Variants in ASXL3 observed in about 807,000 individuals in gnomAD.
ASXL3 encodes putative Polycomb group protein ASXL3.
ASXL3 carries 34 observed loss-of-function variants against 170.6 expected under a neutral mutation model. That is an observed-to-expected ratio of 0.20 (90% CI 0.15 to 0.27). The LOEUF (loss-of-function observed/expected upper bound fraction) is 0.27, where lower values mean the gene tolerates loss of function less well. ASXL3 is among the 10% of genes least tolerant of loss of function. The pLI, the probability that ASXL3 is intolerant of heterozygous loss-of-function variation, is 1.00. For missense variants in ASXL3, 2,592 were observed against 2,695.3 expected (o/e 0.96, Z 0.85); for synonymous variants, 1,002 against 989.1 (o/e 1.01, Z -0.24).
At position 33,740,348 on chromosome 18, in the gene ASXL3, A is replaced by G; in HGVS notation, c.2944A>G (p.Ile982Val). The G allele has an allele frequency of 6.2e-7, 1 of 1,611,190 alleles. No homozygotes were observed. The highest frequency in any genetic ancestry group is 8.5e-7 in the Non-Finnish European group (1 of 1,178,492). Residue 982 changes from isoleucine to valine, a missense_variant, in exon 11 of 12, where the codon ATA (isoleucine) becomes GTA (valine). This residue lies in a region of ASXL3 where 2,246 missense variants were observed against 2,219.6 expected (regional missense o/e 1.01). Coordinates refer to ENST00000269197, the MANE Select transcript of ASXL3 (RefSeq NM_030632.3). The part of the protein sequence containing the change: ...FGICKEKRAR[I>V]EDDQSTRNIS... ...AATCTGTAAGGAAAAGAGAGCTAGG[A>G]TAGAAGATGATCAGTCAACCCGGAA...
chr18:33,671,434 G>T (rs1186274928), intron 6 of ASXL3, among the ~76,000 whole-genome samples: 1 of 152,076 alleles, frequency 6.6e-6, no homozygotes. Flanking sequence ...TGTTGTCTCA[G>T]AATGGCATAG....
intron 2 of ASXL3, among the ~76,000 whole-genome samples, chr18:33,611,163 C>T (rs901190320): frequency 2.0e-5 from 3 of 151,908 alleles, no homozygotes; most frequent in African/African-American, 7.3e-5. Context: ...TTTTTTACAT[C>T]ATGTTCTGTG....
intron 4 of ASXL3, among the ~76,000 whole-genome samples, chr18:33,656,960 T>A (rs547119837): frequency 6.6e-6 from 1 of 152,282 alleles, no homozygotes; most frequent in African/African-American, 2.4e-5. Context: ...CTTTAAAATT[T>A]GATTTTTAAA....
intron 7 of ASXL3, among the ~76,000 whole-genome samples, chr18:33,672,418 T>C (rs928328498): frequency 2.0e-5 from 3 of 152,190 alleles, no homozygotes; most frequent in African/African-American, 7.2e-5. Flanking sequence ...CACCAGGTTT[T>C]CTTCAACATA....
At chr18:33,609,972 T>G (rs940604974) in intron 2 of ASXL3, among the ~76,000 whole-genome samples, 2 of 152,050 alleles carry the variant, frequency 1.3e-5, no homozygotes, top group African/African-American at 4.8e-5. Context: ...CATGCATCTC[T>G]GCTCACTGTT....
Position 33,746,700 on chromosome 18 carries a change from T to C in ASXL3, c.*105T>C, listed in dbSNP as rs1400707402. On this transcript the variant is annotated 3_prime_UTR_variant, in exon 12 of 12. Transcript: ENST00000269197. ...GTGGTTTCTATCATGCTAATTTATT[T>C]TGCTTTGGAGCAGGTACCTTTCCTC... The C allele has an allele frequency of 6.8e-7, 1 of 1,468,716 alleles. No homozygotes were observed. The highest frequency in any genetic ancestry group is 9.0e-7 in the Non-Finnish European group (1 of 1,116,392). The allele number at this position is 1,468,716 out of a possible 1,614,324, so 91.0% of individuals were successfully genotyped here. A position where few individuals can be genotyped will look rare whatever the true frequency, so the allele number is the denominator to read the frequency against.
chr18:33,586,565 T>C (rs2065036666), intron 1 of ASXL3, among the ~76,000 whole-genome samples: 3 of 152,134 alleles, frequency 2.0e-5, no homozygotes, highest in Admixed American at 2.0e-4. Flanking sequence ...CCATCACTTT[T>C]AACTCTTTCC....
rs143587108 is a variant in ASXL3, at chr18:33,603,793, G to C, written c.55-3801G>C. On this transcript the variant is annotated intron_variant, in intron 1 of 11. Coordinates refer to ENST00000269197, the MANE Select transcript of ASXL3 (RefSeq NM_030632.3). The stretch of plus-strand genomic sequence containing the variant: ...CATGAGAGATGCAAGACATCTCAGA[G>C]ATTGAGTGAAGTAAGATCACAAATA... Among the ~76,000 whole-genome samples, 485 of 152,194 alleles carry C rather than the reference G, an allele frequency of 3.2e-3. 2 individuals carry two copies. Among genetic ancestry groups the C allele is most frequent in the Middle Eastern group, 0.014 (4 of 294 alleles).
chr18:33,587,799 A>T (rs1485370376), intron 1 of ASXL3, among the ~76,000 whole-genome samples: 1 of 152,132 alleles, frequency 6.6e-6, no homozygotes, highest in African/African-American at 2.4e-5. Flanking sequence ...TTAGTAGGAA[A>T]AAACAAAAAG....
At chr18:33,673,093 T>G (rs1317550168) in intron 7 of ASXL3, among the ~76,000 whole-genome samples, 1 of 152,216 alleles carries the variant, frequency 6.6e-6, no homozygotes, top group East Asian at 1.9e-4. Flanking sequence ...TATTTTAATA[T>G]AAGTTACTTC....
Position 33,746,801 on chromosome 18 carries a change from A to T in ASXL3, c.*206A>T. On this transcript the variant is annotated 3_prime_UTR_variant, in exon 12 of 12. Transcript: ENST00000269197. Reference sequence around the variant, plus strand: ...TGAATGGCTCACTGGCATGTCTTTTATGTGTTCAGTTGCCATTCCTAGCTT... The same window carrying T: ...TGAATGGCTCACTGGCATGTCTTTTTTGTGTTCAGTTGCCATTCCTAGCTT... 1.3e-6 allele frequency: 1 copy of T among 770,174 alleles called. No homozygotes were observed. The allele number at this position is 770,174 out of a possible 1,614,324, so 47.7% of individuals were successfully genotyped here. A position where few individuals can be genotyped will look rare whatever the true frequency, so the allele number is the denominator to read the frequency against.
chr18:33,740,660 A>G (rs199507792), intron 11 of ASXL3, among the ~76,000 whole-genome samples: 1 of 152,318 alleles, frequency 6.6e-6, no homozygotes, highest in East Asian at 1.9e-4. Flanking sequence ...CATTAAAGGA[A>G]AAAGAATTGA....
At chr18:33,713,039 C>A (rs2067094427) in intron 8 of ASXL3, among the ~76,000 whole-genome samples, 1 of 151,966 alleles carries the variant, frequency 6.6e-6, no homozygotes. Context: ...AAGTTACATA[C>A]ATCACACGTG....
At chr18:33,596,446 T>G (rs1311319228) in intron 1 of ASXL3, among the ~76,000 whole-genome samples, 2 of 152,138 alleles carry the variant, frequency 1.3e-5, no homozygotes, top group African/African-American at 4.8e-5. Flanking sequence ...GAGAAAAGAA[T>G]TACTATTAAC....
chr18:33,658,765 C>G (rs1013008369), intron 4 of ASXL3, among the ~76,000 whole-genome samples: 3 of 151,942 alleles, frequency 2.0e-5, no homozygotes, highest in Admixed American at 6.6e-5. Flanking sequence ...AATTGACTAC[C>G]TAGGACAGGT....
At chr18:33,634,851 A>G (rs994344587) in intron 2 of ASXL3, among the ~76,000 whole-genome samples, 1 of 152,206 alleles carries the variant, frequency 6.6e-6, no homozygotes, top group African/African-American at 2.4e-5. Flanking sequence ...GTGAACACCT[A>G]GAATCTTTAT....
Position 33,738,997 on chromosome 18 carries a change from AGTT to A in ASXL3, c.1597_1599del (p.Val533del), listed in dbSNP as rs2067600746. 4 of 1,613,798 alleles carry A rather than the reference AGTT, an allele frequency of 2.5e-6. No individual in the cohort carries two copies. Among genetic ancestry groups the A allele is most frequent in the Non-Finnish European group, 2.5e-6 (3 of 1,179,816 alleles). ...CAGAATCACCCCAGGAAGAAATGAC[AGTT>A]GTTATCGATCAGTTAGAAGTCTGTG... On this transcript the variant is annotated inframe_deletion, in exon 11 of 12. Transcript: ENST00000269197.
At chr18:33,688,008 C>T (rs947883894) in intron 8 of ASXL3, among the ~76,000 whole-genome samples, 1 of 152,058 alleles carries the variant, frequency 6.6e-6, no homozygotes, top group Non-Finnish European at 1.5e-5. Context: ...AACCCTAATC[C>T]CTTTGTGTAG....
intron 1 of ASXL3, among the ~76,000 whole-genome samples, chr18:33,584,433 A>C (rs570400138): frequency 6.6e-6 from 1 of 152,288 alleles, no homozygotes; most frequent in African/African-American, 2.4e-5. Context: ...CACACAAAGA[A>C]GCACAAAACA....
Sources: allele counts gnomAD v4.1 joint callset (sites outside exome capture counted in the v4.1 genomes callset), GRCh38; gene constraint gnomAD v4.1.1; regional missense constraint gnomAD v4.1.1; transcripts MANE v1.5; gene names NCBI Gene and HGNC (gene_info 2026-07-23, HGNC 2026-07-21).